Variants in MIDEAS observed in about 807,000 individuals in gnomAD.
MIDEAS encodes mitotic deacetylase-associated SANT domain protein.
MIDEAS carries 26 observed loss-of-function variants against 102.7 expected under a neutral mutation model. The ratio of observed to expected loss-of-function variants is 0.25; its 90% CI spans 0.19 to 0.35. MIDEAS has a LOEUF of 0.35. MIDEAS is among the 10% of genes least tolerant of loss of function. The probability of loss-of-function intolerance (pLI) is 1.00; values close to 1 mark genes in which losing one functional copy is unlikely to be tolerated. For synonymous variants in MIDEAS, 585 were observed against 591.0 expected, an observed-to-expected ratio of 0.99 and a Z score of 0.15; for missense variants, 1,231 against 1,435.6, an observed-to-expected ratio of 0.86 and a Z score of 2.30.
Position 73,718,680 on chromosome 14 carries a change from C to A in MIDEAS, c.*163G>T. ...CCCTTAACGCTGCTCCCAGGGCCTT[C>A]ATAAATAAAAGAGCCGTTTATGTCA... On this transcript the variant is annotated 3_prime_UTR_variant, in exon 13 of 13. Transcript: ENST00000423556. The A allele has an allele frequency of 1.4e-6, 1 of 705,448 alleles. No homozygotes were observed. Among genetic ancestry groups the A allele is most frequent in the Non-Finnish European group, 2.0e-6 (1 of 491,084 alleles). 43.7% of individuals were successfully genotyped at this position (705,448 alleles called of 1,614,324 possible).
At chr14:73,769,326 A>T (rs894401541) in intron 1 of MIDEAS, among the ~76,000 whole-genome samples, 1 of 152,244 alleles carries the variant, frequency 6.6e-6, no homozygotes. Flanking sequence ...GAGGCTCTGC[A>T]GTCACAGGAC....
At chr14:73,724,407 C>T (rs892252115) in intron 9 of MIDEAS, 1 of 152,234 alleles carries the variant, frequency 6.6e-6, no homozygotes, top group African/African-American at 2.4e-5. Flanking sequence ...TCAATTCTCT[C>T]TGACCCTTTG....
chr14:73,738,745 C>T lies in MIDEAS; in HGVS notation c.1264G>A (p.Glu422Lys), dbSNP rs560612881. 1 of 1,611,402 alleles carries T rather than the reference C, an allele frequency of 6.2e-7. No homozygotes were observed. Among genetic ancestry groups the T allele is most frequent in the East Asian group, 2.2e-5 (1 of 44,840 alleles). ...CTGCCCATGGCAGGAGCCTCTCGCT[C>T]CCGGCCATTGGGTGCTAGTCTCTCC... ...DGERLAPNGREREAPAMGSEE... is the reference protein window; with the variant it reads ...DGERLAPNGRKREAPAMGSEE... Residue 422 changes from glutamate (E) to lysine (K), a missense_variant, in exon 2 of 13, where the codon GAG becomes AAG. By Grantham distance (56) the Glu-to-Lys change is moderately conservative (BLOSUM62 1). Coordinates refer to ENST00000423556, the MANE Select transcript of MIDEAS (RefSeq NM_001367710.1).
Position 73,721,315 on chromosome 14 carries a change from T to G in MIDEAS, c.2919A>C (p.Thr973=). The change falls in exon 11 of 13, where the codon ACA becomes ACC. Residue 973 remains threonine, a synonymous_variant. Coordinates refer to ENST00000423556, the MANE Select transcript of MIDEAS (RefSeq NM_001367710.1). ...CACTCACCGACTCATTGGCCTGTAGTGTCTGCGTGGCTTTGACTGCCGCTG... is the reference window on the plus strand; with the variant it reads ...CACTCACCGACTCATTGGCCTGTAGGGTCTGCGTGGCTTTGACTGCCGCTG... ...RRAAAVKATQ[T]LQANESASDI... 1 of 1,613,424 alleles carries G rather than the reference T, an allele frequency of 6.2e-7. No homozygotes were observed. The highest frequency in any genetic ancestry group is 8.5e-7 in the Non-Finnish European group (1 of 1,180,028).
In MIDEAS at chr14:73,725,489, G is replaced by A. The variant is rs2053048855; in HGVS notation, c.2486-129C>T. ...CTGCAGGCATCAGAGCCGGCTCCTCGTCCCACTTCCATGTGCCTCACAGCC... is the reference window on the plus strand; with the variant it reads ...CTGCAGGCATCAGAGCCGGCTCCTCATCCCACTTCCATGTGCCTCACAGCC... On this transcript the variant is annotated intron_variant, in intron 8 of 12. Transcript: ENST00000423556. This position sits in a 1 kb window ranked among gnomAD's most constrained non-coding sequence, Gnocchi z 4.1. The A allele has an allele frequency of 8.6e-6, 6 of 694,498 alleles. No individual in the cohort carries two copies. The highest frequency in any genetic ancestry group is 4.7e-5 in the Admixed American group (2 of 42,328). The allele number at this position is 694,498 out of a possible 1,614,324, so 43.0% of individuals were successfully genotyped here. A position where few individuals can be genotyped will look rare whatever the true frequency, so the allele number is the denominator to read the frequency against.
intron 1 of MIDEAS, among the ~76,000 whole-genome samples, chr14:73,777,073 AAATAAAT>A (rs1318268201): frequency 6.7e-5 from 10 of 149,574 alleles, no homozygotes. Flanking sequence ...GTCTCAAAAA[AAATAAAT>A]AAATAAATAA....
At position 73,726,850 on chromosome 14, in the gene MIDEAS, C is replaced by G; in HGVS notation, c.2285G>C (p.Ser762Thr). 6.2e-7 allele frequency: 1 copy of G among 1,611,000 alleles called. No individual in the cohort carries two copies. The highest frequency in any genetic ancestry group is 8.5e-7 in the Non-Finnish European group (1 of 1,177,618). The change falls in exon 6 of 13, where the codon AGC becomes ACC. Residue 762 changes from serine (S) to threonine (T), a missense_variant. Physicochemically the swap from Ser to Thr is moderately conservative, Grantham distance 58. Around this residue, in one of 5 missense-constraint regions of MIDEAS, gnomAD observed 391 missense variants for 483.0 expected, o/e 0.81. Transcript: ENST00000423556. ...CTCACCTTGCCTCTGCTTCTCCCGG[C>G]TGCTCTCTAGGTCCTCCCATGGCTG... ...VWQPWEDLES[S>T]REKQRQVEDL...
chr14:73,740,404 G>T, intron 1 of MIDEAS, 149 bp from the exon 2 acceptor site: 1 of 397,326 alleles, frequency 2.5e-6, no homozygotes, highest in African/African-American at 2.1e-5. Context: ...AGCAGCATTG[G>T]TGAGGCAGGA....
intron 1 of MIDEAS, among the ~76,000 whole-genome samples, chr14:73,779,724 C>A (rs1246763165): frequency 4.8e-5 from 7 of 144,572 alleles, no homozygotes; most frequent in African/African-American, 1.5e-4. Flanking sequence ...ACTACAGGCG[C>A]CCGCCACCGC....
intron 1 of MIDEAS, among the ~76,000 whole-genome samples, chr14:73,745,802 G>T (rs1030682533): frequency 6.6e-6 from 1 of 152,220 alleles, no homozygotes; most frequent in Non-Finnish European, 1.5e-5. Context: ...AAACAAGGAG[G>T]CTCTGATACA....
At chr14:73,746,906 C>T (rs1304478310) in intron 1 of MIDEAS, among the ~76,000 whole-genome samples, 1 of 152,182 alleles carries the variant, frequency 6.6e-6, no homozygotes, top group African/African-American at 2.4e-5. Flanking sequence ...AGCTTCCAGG[C>T]CGGTGGGGAG....
rs1169517455 is a variant in MIDEAS at position 73,727,241 on chromosome 14, A to G, written c.2162+217T>C. 5 of 632,706 alleles carry G rather than the reference A, an allele frequency of 7.9e-6. No individual in the cohort carries two copies. The East Asian group carries it at 1.4e-4, about 18-fold the overall frequency. 39.2% of individuals were successfully genotyped at this position (632,706 alleles called of 1,614,324 possible). A position where few individuals can be genotyped will look rare whatever the true frequency, so the allele number is the denominator to read the frequency against. On this transcript the variant is annotated intron_variant, in intron 5 of 12. Transcript: ENST00000423556. ...CCCCCCTTTCAACTCTCCTAGAGAT[A>G]AGTTCAAGCTGAGCCGGTCCTTGCC...
chr14:73,760,151 G>T lies in MIDEAS; in HGVS notation c.-636C>A, dbSNP rs1595289271. On this transcript the variant is annotated 5_prime_UTR_variant, in exon 1 of 13. Transcript: ENST00000423556. This position sits in a 1 kb window ranked among gnomAD's most constrained non-coding sequence, Gnocchi z 4.8. ...GCTCACAGCTTGAAAAAAAAAAAAA[G>T]AGAGAGGGCGAGAGGCAACAGCGGA... 1 of 148,680 alleles carries T rather than the reference G, an allele frequency of 6.7e-6. No homozygotes were observed. Among genetic ancestry groups the T allele is most frequent in the East Asian group, 2.0e-4 (1 of 4,926 alleles). 9.2% of individuals were successfully genotyped at this position (148,680 alleles called of 1,614,324 possible). A position where few individuals can be genotyped will look rare whatever the true frequency, so the allele number is the denominator to read the frequency against.
intron 5 of MIDEAS, 191 bp downstream of exon 5, chr14:73,727,267 C>G (rs918059536): frequency 3.9e-5 from 26 of 669,390 alleles, no homozygotes; most frequent in South Asian, 3.0e-4. Context: ...GGTCCTTGCC[C>G]TTCCCTGCAA....
At chr14:73,730,509 G>A (rs1040609317) in intron 3 of MIDEAS, among the ~76,000 whole-genome samples, 8 of 152,136 alleles carry the variant, frequency 5.3e-5, no homozygotes, top group African/African-American at 1.7e-4. Flanking sequence ...TACTTCATGG[G>A]GTAACCATGA....
chr14:73,773,815 G>A (rs1432316158), intron 1 of MIDEAS, among the ~76,000 whole-genome samples: 1 of 151,692 alleles, frequency 6.6e-6, no homozygotes, highest in Non-Finnish European at 1.5e-5. Context: ...TTGAGGTCAC[G>A]AGTTCGAGAC....
chr14:73,734,739 C>CA (rs1216280446), intron 3 of MIDEAS, among the ~76,000 whole-genome samples: 1 of 152,132 alleles, frequency 6.6e-6, no homozygotes. Flanking sequence ...GCCTCCTGTG[C>CA]ATTTTTAAAT....
rs2053529131 is a variant in MIDEAS, at chr14:73,759,410, G to GCC, written c.-248+352_-248+353insGG. On this transcript the variant is annotated intron_variant, in intron 1 of 12. Transcript: ENST00000423556. The surrounding 1 kb of genome is among the most constrained non-coding windows in gnomAD (Gnocchi z 6.7). ...CGAGCCGCCGCGGGCCGCCGGGTGG[G>GCC]GAGGGCTTTCCTGGCGGGGCCGCGC... Among the ~76,000 whole-genome samples, 2 of 151,820 alleles carry GCC rather than the reference G, an allele frequency of 1.3e-5. No homozygotes were observed. The highest frequency in any genetic ancestry group is 2.9e-5 in the Non-Finnish European group (2 of 67,902).
At chr14:73,735,233 T>C (rs1388151262) in intron 3 of MIDEAS, among the ~76,000 whole-genome samples, 2 of 152,208 alleles carry the variant, frequency 1.3e-5, no homozygotes, top group East Asian at 1.9e-4. Context: ...CACTTCAAAA[T>C]AGCTAAAAGA....
Sources: allele counts gnomAD v4.1 joint callset (sites outside exome capture counted in the v4.1 genomes callset), GRCh38; gene constraint gnomAD v4.1.1; regional missense constraint gnomAD v4.1.1; non-coding constraint Gnocchi (gnomAD v3.1); transcripts MANE v1.5; gene names NCBI Gene and HGNC (gene_info 2026-07-23, HGNC 2026-07-21).